ANKRD26: variants seen among roughly 807,000 people sequenced by gnomAD.
ANKRD26 encodes the protein ankyrin repeat domain 26, also known as ankyrin repeat domain-containing protein 26.
A neutral mutation model predicts 208.7 loss-of-function variants in ANKRD26; 141 were observed. That is an observed-to-expected ratio of 0.68 (90% CI 0.59 to 0.78). ANKRD26 has a LOEUF of 0.78. Among genes scored for constraint, ANKRD26 ranks in the 30% least tolerant of loss-of-function variants. The pLI, the probability that ANKRD26 is intolerant of heterozygous loss-of-function variation, is 0.00. For missense variants in ANKRD26, 1,889 were observed against 1,938.7 expected (o/e 0.97, Z 0.48); for synonymous variants, 636 against 660.4 (o/e 0.96, Z 0.57).
chr10:27,013,165 C>T lies in ANKRD26; in HGVS notation c.4725-55G>A. 3 of 1,501,530 alleles carry T rather than the reference C, an allele frequency of 2.0e-6. No homozygotes were observed. In the Admixed American group the frequency reaches 5.4e-5, roughly 27 times the overall value. The allele number at this position is 1,501,530 out of a possible 1,614,324, so 93.0% of individuals were successfully genotyped here. A position where few individuals can be genotyped will look rare whatever the true frequency, so the allele number is the denominator to read the frequency against. On this transcript the variant is annotated intron_variant, in intron 31 of 33. Transcript: ENST00000376087. ...GTATTTTACTTTTCCCTAAATGATT[C>T]CTAAAAGACTTGCAATTTTTAAAAA... is the stretch of plus-strand genomic sequence containing the variant.
exon 6 of ANKRD26, among the ~76,000 whole-genome samples, chr10:26,975,402 CTTTTTTTT>C (rs60226106): frequency 0.17 from 15,278 of 91,248 alleles, 1,226 homozygotes; most frequent in East Asian, 0.36. Context: ...CTAATTTTTG[CTTTTTTTT>C]TTTTTTTTTT....
Position 27,068,920 on chromosome 10 carries a change from G to A in ANKRD26, c.1078-1634C>T, listed in dbSNP as rs527592263. 1.4e-4 allele frequency among the ~76,000 whole-genome samples: 22 copies of A among 151,878 alleles called. 1 individual carries two copies. In the East Asian group the frequency reaches 1.7e-3, roughly 12 times the overall value. On this transcript the variant is annotated intron_variant, in intron 9 of 33. Transcript: ENST00000376087. Reference sequence around the variant, plus strand: ...TATGAGAAACGAGGTCGGGCGCAGCGCGGTGGCTCACACCTGTAATCCCAG... The same window carrying A: ...TATGAGAAACGAGGTCGGGCGCAGCACGGTGGCTCACACCTGTAATCCCAG...
chr10:26,992,125 T>C (rs1185307094), intron 5 of ANKRD26: 2 of 152,202 alleles, frequency 1.3e-5, no homozygotes, highest in Non-Finnish European at 2.9e-5. Context: ...GGGAGGTATG[T>C]AACTTTTTTA....
intron 16 of ANKRD26, 32 bp from the exon 17 acceptor site, chr10:27,049,011 T>A: frequency 6.7e-7 from 1 of 1,495,182 alleles, no homozygotes; most frequent in Non-Finnish European, 9.2e-7. Flanking sequence ...AAGGAATTGC[T>A]ATTACTTTAT....
chr10:27,030,586 G>A (rs2053833349), intron 25 of ANKRD26: 16 of 985,212 alleles, frequency 1.6e-5, no homozygotes, highest in East Asian at 1.1e-4. Flanking sequence ...ATGAATCTAC[G>A]GATCCCAGCT....
At chr10:27,028,974 C>G in intron 26 of ANKRD26, 29 bp from the exon 27 acceptor site, 1 of 1,530,122 alleles carries the variant, frequency 6.5e-7, no homozygotes, top group Non-Finnish European at 9.0e-7. Context: ...AATAATTATT[C>G]TCACAGATAA....
chr10:27,065,870 T>TC (rs1280359823), intron 11 of ANKRD26, among the ~76,000 whole-genome samples: 1 of 138,410 alleles, frequency 7.2e-6, no homozygotes, highest in African/African-American at 2.6e-5. Context: ...TTTTTTTTTT[T>TC]TTTTTTTTTT....
intron 22 of ANKRD26, among the ~76,000 whole-genome samples, chr10:27,037,552 T>C (rs1219171764): frequency 6.6e-6 from 1 of 152,182 alleles, no homozygotes; most frequent in East Asian, 1.9e-4. Flanking sequence ...AATTGTGAAA[T>C]AAAATGTCAA....
At chr10:27,068,914 C>T (rs901571080) in intron 9 of ANKRD26, among the ~76,000 whole-genome samples, 9 of 150,496 alleles carry the variant, frequency 6.0e-5, no homozygotes, top group East Asian at 5.9e-4. Context: ...CGAGGTCGGG[C>T]GCAGCGCGGT....
At chr10:27,020,890 G>A (rs2053464298) in intron 29 of ANKRD26, among the ~76,000 whole-genome samples, 1 of 151,988 alleles carries the variant, frequency 6.6e-6, no homozygotes, top group Non-Finnish European at 1.5e-5. Flanking sequence ...CGGAACTCCT[G>A]ACTTCAGGTG....
intron 4 of ANKRD26, among the ~76,000 whole-genome samples, chr10:27,090,926 T>C (rs748777876): frequency 6.6e-6 from 1 of 152,060 alleles, no homozygotes; most frequent in African/African-American, 2.4e-5. Flanking sequence ...GGAAATCCCA[T>C]CTCTACAAAA....
At chr10:26,957,015 A>C in the ANKRD26 span, among the ~76,000 whole-genome samples, 1 of 152,254 alleles carries the variant, frequency 6.6e-6, no homozygotes, top group Admixed American at 6.5e-5. Context: ...CTGGAGCAGC[A>C]AAAACAGAAA....
chr10:26,958,607 T>A, the ANKRD26 span, among the ~76,000 whole-genome samples: 1 of 152,200 alleles, frequency 6.6e-6, no homozygotes, highest in Non-Finnish European at 1.5e-5. Context: ...GATAATGGCT[T>A]CCAACTCCAT....
chr10:27,036,390 C>CTCTATTTATAGTGTTCTT (rs1475432859), intron 23 of ANKRD26, among the ~76,000 whole-genome samples: 2 of 151,396 alleles, frequency 1.3e-5, no homozygotes, highest in Non-Finnish European at 2.9e-5. Flanking sequence ...GGTCTTCTGA[C>CTCTATTTATAGTGTTCTT]TCTATTTATA....
chr10:27,006,987 T>C (rs370406171), intron 32 of ANKRD26, 25 bp from the exon 33 acceptor site: 2 of 1,561,702 alleles, frequency 1.3e-6, no homozygotes, highest in Non-Finnish European at 1.8e-6. Context: ...ATGTTATTTA[T>C]AATGTTTAAG....
chr10:27,091,072 T>A (rs1318814070), intron 4 of ANKRD26, among the ~76,000 whole-genome samples: 1 of 149,712 alleles, frequency 6.7e-6, no homozygotes, highest in Non-Finnish European at 1.5e-5. Flanking sequence ...CTCCAGCCCG[T>A]GACAGAGCCA....
At chr10:26,985,595 T>C (rs1399026081) in intron 3 of ANKRD26, among the ~76,000 whole-genome samples, 6 of 152,282 alleles carry the variant, frequency 3.9e-5, no homozygotes, top group Admixed American at 6.5e-5. Context: ...CATCAGCAGA[T>C]TGGTTACCCT....
At chr10:26,980,176 T>C (rs948130812) in intron 5 of ANKRD26, among the ~76,000 whole-genome samples, 8 of 152,346 alleles carry the variant, frequency 5.3e-5, no homozygotes, top group Middle Eastern at 3.4e-3. Flanking sequence ...AACTAATTCC[T>C]TTGGGTTCTG....
At chr10:27,024,009 A>ACACACAC (rs1554775241) in intron 28 of ANKRD26, among the ~76,000 whole-genome samples, 1 of 44,980 alleles carries the variant, frequency 2.2e-5, no homozygotes, top group Non-Finnish European at 7.1e-5. Context: ...CACACACACA[A>ACACACAC]AGAGGCAGAA....
Sources: allele counts gnomAD v4.1 joint callset (sites outside exome capture counted in the v4.1 genomes callset), GRCh38; gene constraint gnomAD v4.1.1; transcripts MANE v1.5; gene names NCBI Gene and HGNC (gene_info 2026-07-23, HGNC 2026-07-21).